The following HEY2 variants were observed in gnomAD, a reference collection of about 807,000 sequenced individuals.
HEY2 encodes hairy/enhancer-of-split related with YRPW motif protein 2.
In HEY2, 10 loss-of-function variants were observed where a neutral mutation model predicts 18.1. The observed-to-expected ratio is 0.55, with a 90% CI of 0.34 to 0.94. HEY2 has a LOEUF of 0.94. Ranked by LOEUF, HEY2 falls within the 40% of genes least tolerant of loss-of-function variation. The pLI, the probability that HEY2 is intolerant of heterozygous loss-of-function variation, is 0.02. For synonymous variants in HEY2, 210 were observed against 182.7 expected (o/e 1.15, Z -1.21); for missense variants, 455 against 455.9 (o/e 1.00, Z 0.02).
Position 125,750,120 on chromosome 6 carries a change from A to C in HEY2, c.83+261A>C, listed in dbSNP as rs559198957. On this transcript the variant is annotated intron_variant, in intron 1 of 4. Coordinates refer to ENST00000368364, the MANE Select transcript of HEY2 (RefSeq NM_012259.3). ...GGCAGAGCGCAGGAGTTGGCGAGGGAGGGTCCTGGCTGTCACAGTTGGACG... is the reference window on the plus strand; with the variant it reads ...GGCAGAGCGCAGGAGTTGGCGAGGGCGGGTCCTGGCTGTCACAGTTGGACG... The C allele has an allele frequency of 3.3e-5, 13 of 396,442 alleles. No homozygotes were observed. The East Asian group carries it at 1.3e-3, about 39-fold the overall frequency. The allele number at this position is 396,442 out of a possible 1,614,324, so 24.6% of individuals were successfully genotyped here. A position where few individuals can be genotyped will look rare whatever the true frequency, so the allele number is the denominator to read the frequency against.
At chr6:125,750,688 A>G (rs1773526994) in intron 1 of HEY2, among the ~76,000 whole-genome samples, 1 of 152,238 alleles carries the variant, frequency 6.6e-6, no homozygotes, top group African/African-American at 2.4e-5. Flanking sequence ...AAGAGCAAAG[A>G]TATTTACACG....
At chr6:125,757,682 C>G (rs1269636523) in intron 4 of HEY2, among the ~76,000 whole-genome samples, 3 of 152,206 alleles carry the variant, frequency 2.0e-5, no homozygotes, top group Non-Finnish European at 4.4e-5. Flanking sequence ...GGTGTGGTGG[C>G]TCACGCCTGT....
In HEY2 at chr6:125,749,867, C is replaced by G; in HGVS notation, c.83+8C>G. The G allele has an allele frequency of 6.4e-7, 1 of 1,560,336 alleles. No homozygotes were observed. Among genetic ancestry groups the G allele is most frequent in the Non-Finnish European group, 8.7e-7 (1 of 1,152,206 alleles). ...CGAGAACAATTACTCGGGGTGAGCG[C>G]GGGCTCCGCGGGAGCGGCCCGCAGC... On this transcript the variant is annotated splice_region_variant and intron_variant, in intron 1 of 4. Transcript: ENST00000368364.
At chr6:125,754,603 T>C in intron 4 of HEY2, 57 bp downstream of exon 4, 2 of 918,662 alleles carry the variant, frequency 2.2e-6, no homozygotes, top group Non-Finnish European at 3.4e-6. Context: ...TCTCTTTTCA[T>C]GTTATTCCCC....
chr6:125,756,952 C>G (rs1389980443), intron 4 of HEY2, among the ~76,000 whole-genome samples: 1 of 152,160 alleles, frequency 6.6e-6, no homozygotes, highest in Non-Finnish European at 1.5e-5. Flanking sequence ...CTGAAGTCCA[C>G]AATAGGATAG....
intron 4 of HEY2, among the ~76,000 whole-genome samples, chr6:125,756,959 A>G (rs1773674078): frequency 6.6e-6 from 1 of 152,226 alleles, no homozygotes; most frequent in Non-Finnish European, 1.5e-5. Context: ...CCACAATAGG[A>G]TAGGAATTGC....
In HEY2 at chr6:125,760,466, G is replaced by A. The variant is rs6940469; in HGVS notation, c.*664G>A. The A allele has an allele frequency of 0.1, 15,411 of 152,358 alleles. 927 individuals are homozygous for A. The highest frequency in any genetic ancestry group is 0.17 in the African/African-American group (7,045 of 41,506). The allele number at this position is 152,358 out of a possible 1,614,324, so 9.4% of individuals were successfully genotyped here. A position where few individuals can be genotyped will look rare whatever the true frequency, so the allele number is the denominator to read the frequency against. ...CAGACATGCCAAGAGGTGACATTTAGCAGTGCATTGGTATAAGCAATTATT... is the reference window on the plus strand; with the variant it reads ...CAGACATGCCAAGAGGTGACATTTAACAGTGCATTGGTATAAGCAATTATT... On this transcript the variant is annotated 3_prime_UTR_variant, in exon 5 of 5. Transcript: ENST00000368364.
In HEY2 at chr6:125,760,699, A is replaced by G. The variant is rs562208058; in HGVS notation, c.*897A>G. 9.2e-5 allele frequency: 14 copies of G among 152,346 alleles called. No homozygotes were observed. The highest frequency in any genetic ancestry group is 3.1e-4 in the African/African-American group (13 of 41,532). 9.4% of individuals were successfully genotyped at this position (152,346 alleles called of 1,614,324 possible). On this transcript the variant is annotated 3_prime_UTR_variant, in exon 5 of 5. Coordinates refer to ENST00000368364, the MANE Select transcript of HEY2 (RefSeq NM_012259.3). ...TCTCCAGTTTGTAGGAGTTTGGTTT[A>G]ATTTATTCAGTTTCATTAGGACTAT...
At chr6:125,756,121 A>G (rs551271079) in intron 4 of HEY2, among the ~76,000 whole-genome samples, 8 of 152,384 alleles carry the variant, frequency 5.2e-5, no homozygotes, top group Non-Finnish European at 1.0e-4. Context: ...ATAAAAACTA[A>G]GTTCCATCTT....
chr6:125,751,630 A>G (rs1773544433), intron 1 of HEY2, among the ~76,000 whole-genome samples, 171 bp from the exon 2 acceptor site: 1 of 152,242 alleles, frequency 6.6e-6, no homozygotes, highest in South Asian at 2.1e-4. Flanking sequence ...ACCTGAAAAG[A>G]GACAGCCGGG....
rs755499957 is a variant in HEY2, at chr6:125,759,248, G to A, written c.460G>A (p.Val154Met). ...DSSDPLRVRL[V>M]SHLSTCATQR... ...CTCGGATCCGCTGCGGGTGCGGCTT[G>A]TGTCTCATCTCAGCACTTGCGCCAC... is the stretch of plus-strand genomic sequence containing the variant. The change falls in exon 5 of 5, where the codon GTG becomes ATG. Residue 154 changes from valine (V) to methionine (M), a missense_variant. Coordinates refer to ENST00000368364, the MANE Select transcript of HEY2 (RefSeq NM_012259.3). The A allele has an allele frequency of 6.2e-7, 1 of 1,609,464 alleles. No homozygotes were observed. Among genetic ancestry groups the A allele is most frequent in the South Asian group, 1.1e-5 (1 of 91,082 alleles).
chr6:125,758,044 T>C lies in HEY2; in HGVS notation c.329-1073T>C, dbSNP rs78944091. On this transcript the variant is annotated intron_variant, in intron 4 of 4. Coordinates refer to ENST00000368364, the MANE Select transcript of HEY2 (RefSeq NM_012259.3). ...CAAAATGAATAGACCAAACTTTTGA[T>C]TTGGAAATTACTTTTTAAAAAGTTG... Among the ~76,000 whole-genome samples the C allele has an allele frequency of 6.5e-4, 99 of 152,358 alleles. 1 individual carries two copies. In the East Asian group the frequency reaches 0.016, roughly 25 times the overall value.
chr6:125,755,834 T>C (rs1404667849), intron 4 of HEY2, among the ~76,000 whole-genome samples: 1 of 152,234 alleles, frequency 6.6e-6, no homozygotes, highest in Non-Finnish European at 1.5e-5. Flanking sequence ...TGACCACTGC[T>C]GTGCCTCTGA....
At chr6:125,755,008 C>A (rs1773628218) in intron 4 of HEY2, among the ~76,000 whole-genome samples, 1 of 152,194 alleles carries the variant, frequency 6.6e-6, no homozygotes, top group Non-Finnish European at 1.5e-5. Flanking sequence ...AATAATTCAG[C>A]TATTCCAAAG....
chr6:125,758,372 G>A (rs573148397), intron 4 of HEY2, among the ~76,000 whole-genome samples: 7 of 152,044 alleles, frequency 4.6e-5, no homozygotes, highest in Admixed American at 6.6e-5. Context: ...ACATATATTT[G>A]AACTTCAGAT....
Position 125,759,820 on chromosome 6 carries a change from T to TG in HEY2, c.*19dup. 6.2e-7 allele frequency: 1 copy of TG among 1,601,806 alleles called. No homozygotes were observed. ...CTTTTTAAATTTTTCTTGAACTTCT[T>TG]GCAATAGTAACTGAATGTCCTCCAT... On this transcript the variant is annotated 3_prime_UTR_variant, in exon 5 of 5. Coordinates refer to ENST00000368364, the MANE Select transcript of HEY2 (RefSeq NM_012259.3).
chr6:125,758,703 G>A (rs548791613), intron 4 of HEY2, among the ~76,000 whole-genome samples: 1 of 152,304 alleles, frequency 6.6e-6, no homozygotes, highest in South Asian at 2.1e-4. Context: ...CAACTCATGT[G>A]ACAGAGACAG....
intron 3 of HEY2, 122 bp downstream of exon 3, chr6:125,752,212 A>G (rs1773559673): frequency 1.5e-6 from 1 of 647,330 alleles, no homozygotes; most frequent in Non-Finnish European, 2.8e-6. Flanking sequence ...TTAAAATAAT[A>G]GTGTATGTGC....
Position 125,749,688 on chromosome 6 carries a change from G to C in HEY2, c.-89G>C. On this transcript the variant is annotated 5_prime_UTR_variant, in exon 1 of 5. Transcript: ENST00000368364. ...GCCGGAGCCGCGCCTGCCCAGGCCCGGGGAGGGAGGAGGCGGGCGTCAGGG... is the reference window on the plus strand; with the variant it reads ...GCCGGAGCCGCGCCTGCCCAGGCCCCGGGAGGGAGGAGGCGGGCGTCAGGG... 2 of 940,616 alleles carry C rather than the reference G, an allele frequency of 2.1e-6. No homozygotes were observed. The highest frequency in any genetic ancestry group is 2.7e-5 in the Admixed American group (1 of 37,578). 58.3% of individuals were successfully genotyped at this position (940,616 alleles called of 1,614,324 possible). A position where few individuals can be genotyped will look rare whatever the true frequency, so the allele number is the denominator to read the frequency against.
Sources: gnomAD v4.1 joint callset for allele counts (sites outside exome capture counted in the v4.1 genomes callset) on GRCh38, gnomAD v4.1.1 for gene constraint, MANE v1.5 for transcripts, NCBI Gene and HGNC (gene_info 2026-07-23, HGNC 2026-07-21) for gene names.